The following PELI2 variants were observed in gnomAD, a reference collection of about 807,000 sequenced individuals.
PELI2 encodes the protein pellino E3 ubiquitin protein ligase family member 2, also known as E3 ubiquitin-protein ligase pellino homolog 2.
Under a neutral mutation model 42.3 loss-of-function variants are expected in PELI2, and 23 were observed. The ratio of observed to expected loss-of-function variants is 0.54; its 90% CI spans 0.39 to 0.77. The LOEUF is 0.77. Ranked by LOEUF, PELI2 falls within the 30% of genes least tolerant of loss-of-function variation. The pLI, the probability that PELI2 is intolerant of heterozygous loss-of-function variation, is 0.00. For synonymous variants in PELI2, 245 were observed against 212.2 expected, an observed-to-expected ratio of 1.15 and a Z score of -1.34; for missense variants, 463 against 553.2, an observed-to-expected ratio of 0.84 and a Z score of 1.64.
chr14:56,122,777 G>T (rs549766040), intron 1 of PELI2, among the ~76,000 whole-genome samples: 1 of 152,306 alleles, frequency 6.6e-6, no homozygotes, highest in South Asian at 2.1e-4. Context: ...TCACTTATGA[G>T]TGTAGGCAAC....
At chr14:56,264,712 A>T (rs562758013) in intron 2 of PELI2, among the ~76,000 whole-genome samples, 8 of 152,182 alleles carry the variant, frequency 5.3e-5, no homozygotes, top group Non-Finnish European at 1.0e-4. Context: ...TTATTATGTG[A>T]TTATTTGTAA....
At position 56,297,037 on chromosome 14, in the gene PELI2, A is replaced by G; in HGVS notation, c.1134A>G (p.Ala378=). 1.2e-6 allele frequency: 2 copies of G among 1,613,956 alleles called. No individual in the cohort carries two copies. The highest frequency in any genetic ancestry group is 1.1e-5 in the South Asian group (1 of 91,080). The change falls in exon 6 of 6, where the codon GCA becomes GCG. Residue 378 remains alanine, a synonymous_variant. Coordinates refer to ENST00000267460, the MANE Select transcript of PELI2 (RefSeq NM_021255.3). ...PCGHVCSEKS[A]KYWSQIPLPH... ...GACACGTGTGCTCGGAGAAGTCTGC[A>G]AAATACTGGTCTCAGATCCCGTTGC...
intron 4 of PELI2, among the ~76,000 whole-genome samples, chr14:56,289,185 A>G (rs1889743761): frequency 6.6e-6 from 1 of 152,178 alleles, no homozygotes; most frequent in Non-Finnish European, 1.5e-5. Context: ...GAAAAAACCC[A>G]CTCAAAATGA....
chr14:56,242,199 A>G lies in PELI2; in HGVS notation c.208-37477A>G, dbSNP rs72718002. ...TTTGGGGATGAATTAGTAATAGGAA[A>G]GTAGAAAACCAAGAGACTATGAACA... On this transcript the variant is annotated intron_variant, in intron 2 of 5. Transcript: ENST00000267460. Among the ~76,000 whole-genome samples, 660 of 152,350 alleles carry G rather than the reference A, an allele frequency of 4.3e-3. 2 individuals carry two copies. The highest frequency in any genetic ancestry group is 7.9e-3 in the Non-Finnish European group (538 of 68,040).
chr14:56,151,081 A>G (rs1241238886), intron 1 of PELI2, among the ~76,000 whole-genome samples: 2 of 152,222 alleles, frequency 1.3e-5, no homozygotes, highest in African/African-American at 4.8e-5. Flanking sequence ...GTGAAAAATG[A>G]GATTGAAGTA....
At chr14:56,236,812 A>G (rs1887811502) in intron 2 of PELI2, among the ~76,000 whole-genome samples, 1 of 152,168 alleles carries the variant, frequency 6.6e-6, no homozygotes, top group Non-Finnish European at 1.5e-5. Context: ...ACAAACTTTT[A>G]GAAGTGCTGG....
At chr14:56,171,650 G>A (rs985298485) in intron 1 of PELI2, among the ~76,000 whole-genome samples, 26 of 152,174 alleles carry the variant, frequency 1.7e-4, no homozygotes, top group Admixed American at 4.6e-4. Flanking sequence ...TGGGCCAGAT[G>A]GGGGGTGTGA....
chr14:56,279,653 T>C (rs1197614754), intron 2 of PELI2, 23 bp from the exon 3 acceptor site: 2 of 1,365,740 alleles, frequency 1.5e-6, no homozygotes, highest in Admixed American at 3.6e-5. Flanking sequence ...TTGTAATGGA[T>C]TTTTTTAAAA....
intron 2 of PELI2, among the ~76,000 whole-genome samples, chr14:56,271,127 C>T (rs577895965): frequency 1.3e-5 from 2 of 152,184 alleles, no homozygotes; most frequent in Admixed American, 6.5e-5. Flanking sequence ...ACGTTTGATA[C>T]CCTCTAGTCC....
rs560431049 is a variant in PELI2, at chr14:56,246,199, GT to G, written c.208-33474del. Among the ~76,000 whole-genome samples the G allele has an allele frequency of 4.1e-3, 618 of 152,242 alleles. 6 individuals are homozygous for G. Among genetic ancestry groups the G allele is most frequent in the African/African-American group, 0.014 (564 of 41,548 alleles). On this transcript the variant is annotated intron_variant, in intron 2 of 5. Coordinates refer to ENST00000267460, the MANE Select transcript of PELI2 (RefSeq NM_021255.3). ...TCATGGGGCAAACAGAGGTTGTAAA[GT>G]TTGCTATGACTTGACAAGAATAACA...
intron 3 of PELI2, among the ~76,000 whole-genome samples, chr14:56,283,273 A>G (rs1889539151): frequency 1.3e-5 from 2 of 152,182 alleles, no homozygotes; most frequent in South Asian, 4.1e-4. Context: ...TACTTTATGC[A>G]TACTTCCTAT....
In PELI2 at chr14:56,118,639, G is replaced by A. The variant is rs1307498460; in HGVS notation, c.-22G>A. On this transcript the variant is annotated 5_prime_UTR_variant, in exon 1 of 6. Transcript: ENST00000267460. ...CGGAGGCGGCGGCGTCGGCGGCGGC[G>A]TCGGCGGCCGAGCGGGGCTCCATGT... 2 of 1,368,624 alleles carry A rather than the reference G, an allele frequency of 1.5e-6. No individual in the cohort carries two copies. Among genetic ancestry groups the A allele is most frequent in the South Asian group, 1.7e-5 (1 of 60,094 alleles). The allele number at this position is 1,368,624 out of a possible 1,614,324, so 84.8% of individuals were successfully genotyped here. A position where few individuals can be genotyped will look rare whatever the true frequency, so the allele number is the denominator to read the frequency against.
At chr14:56,251,088 C>T (rs1462648676) in intron 2 of PELI2, among the ~76,000 whole-genome samples, 2 of 152,190 alleles carry the variant, frequency 1.3e-5, no homozygotes, top group African/African-American at 2.4e-5. Context: ...CCCCTGGGGG[C>T]ACCATCTCCC....
chr14:56,167,065 A>G (rs1391610905), intron 1 of PELI2, among the ~76,000 whole-genome samples: 3 of 152,226 alleles, frequency 2.0e-5, no homozygotes, highest in Non-Finnish European at 2.9e-5. Context: ...CTGGGATTAC[A>G]GGCGTGAGCC....
At chr14:56,262,808 T>C (rs1441330202) in intron 2 of PELI2, among the ~76,000 whole-genome samples, 1 of 63,042 alleles carries the variant, frequency 1.6e-5, no homozygotes, top group African/African-American at 1.0e-4. Context: ...TGTTATATAA[T>C]ATCCCTGACT....
In PELI2 at chr14:56,118,807, G is replaced by C. The variant is rs1477631676; in HGVS notation, c.77+70G>C. On this transcript the variant is annotated intron_variant, in intron 1 of 5. Transcript: ENST00000267460. ...AGCGCCCGCATCCTGGAGCGGGGCT[G>C]GCGGGGTGGCTCGGTGCTCTTTGGG... 3.6e-6 allele frequency: 4 copies of C among 1,099,450 alleles called. No homozygotes were observed. The South Asian group carries it at 6.3e-5, about 17-fold the overall frequency. 68.1% of individuals were successfully genotyped at this position (1,099,450 alleles called of 1,614,324 possible).
At chr14:56,258,895 T>C (rs1014607429) in intron 2 of PELI2, among the ~76,000 whole-genome samples, 1 of 151,936 alleles carries the variant, frequency 6.6e-6, no homozygotes, top group Non-Finnish European at 1.5e-5. Context: ...AAGAAAACTA[T>C]AGTAAGACAC....
intron 3 of PELI2, among the ~76,000 whole-genome samples, chr14:56,283,129 G>T (rs79159292): frequency 6.6e-6 from 1 of 152,052 alleles, no homozygotes; most frequent in South Asian, 2.1e-4. Flanking sequence ...AGCGACGTAC[G>T]TGTCACATAG....
At chr14:56,185,778 A>C (rs2139679508) in intron 2 of PELI2, among the ~76,000 whole-genome samples, 1 of 152,204 alleles carries the variant, frequency 6.6e-6, no homozygotes, top group Admixed American at 6.5e-5. Flanking sequence ...CCAACAACTA[A>C]TTTTGTGTGT....
Sources: allele counts gnomAD v4.1 joint callset (sites outside exome capture counted in the v4.1 genomes callset), GRCh38; gene constraint gnomAD v4.1.1; transcripts MANE v1.5; gene names NCBI Gene and HGNC (gene_info 2026-07-23, HGNC 2026-07-21).